The following GRM7 variants were observed in gnomAD, a reference collection of about 807,000 sequenced individuals.
The protein encoded by GRM7 is glutamate metabotropic receptor 7.
GRM7 carries 35 observed loss-of-function variants against 84.5 expected under a neutral mutation model. That is an observed-to-expected ratio of 0.41 (90% CI 0.32 to 0.55). The LOEUF is 0.55. Among genes scored for constraint, GRM7 ranks in the 20% least tolerant of loss-of-function variants. GRM7 has a pLI of 0.19. For missense variants in GRM7, 1,003 were observed against 1,194.6 expected (o/e 0.84, Z 2.36); for synonymous variants, 487 against 455.1 (o/e 1.07, Z -0.89).
intron 7 of GRM7, among the ~76,000 whole-genome samples, chr3:7,535,565 C>T (rs1225041691): frequency 6.6e-6 from 1 of 152,176 alleles, no homozygotes; most frequent in Non-Finnish European, 1.5e-5. Flanking sequence ...ACAGATCTTC[C>T]AATTACTGCC....
At chr3:7,365,872 C>A (rs1235188000) in intron 4 of GRM7, among the ~76,000 whole-genome samples, 1 of 151,224 alleles carries the variant, frequency 6.6e-6, no homozygotes. Flanking sequence ...GGATGCCCTT[C>A]TCTGTGGAAT....
rs575731215 is a variant in GRM7, at chr3:7,271,936, T to C, written c.737-26748T>C. Among the ~76,000 whole-genome samples, 3 of 152,252 alleles carry C rather than the reference T, an allele frequency of 2.0e-5. No homozygotes were observed. The South Asian group carries it at 6.2e-4, about 32-fold the overall frequency. ...TGTTTCTGTTTTAACGGGGTCTTTC[T>C]AAGCCCAGTCTGAAAGAATTAAGGA... On this transcript the variant is annotated intron_variant, in intron 2 of 9. Coordinates refer to ENST00000357716, the MANE Select transcript of GRM7 (RefSeq NM_000844.4).
rs765248402 is a variant in GRM7 at position 6,885,670 on chromosome 3, T to C, written c.519+23763T>C. 3.3e-5 allele frequency among the ~76,000 whole-genome samples: 5 copies of C among 152,220 alleles called. No homozygotes were observed. In the East Asian group the frequency reaches 9.6e-4, roughly 29 times the overall value. The stretch of plus-strand genomic sequence containing the variant: ...TTATTTTCTTATTATAAGGGAGGTA[T>C]TATGAAGACCAACCAACTTAAAGAG... On this transcript the variant is annotated intron_variant, in intron 1 of 9. Coordinates refer to ENST00000357716, the MANE Select transcript of GRM7 (RefSeq NM_000844.4).
intron 1 of GRM7, among the ~76,000 whole-genome samples, chr3:6,974,039 A>C (rs1223213398): frequency 6.6e-6 from 1 of 152,204 alleles, no homozygotes; most frequent in Non-Finnish European, 1.5e-5. Flanking sequence ...CCAGAGTGCA[A>C]ACTTTAAATT....
At chr3:7,176,014 A>G (rs1695133546) in intron 2 of GRM7, among the ~76,000 whole-genome samples, 1 of 152,078 alleles carries the variant, frequency 6.6e-6, no homozygotes. Context: ...GCATCGTTAC[A>G]TACAATAGTT....
At chr3:7,057,806 T>C (rs1697280144) in intron 1 of GRM7, among the ~76,000 whole-genome samples, 1 of 151,934 alleles carries the variant, frequency 6.6e-6, no homozygotes, top group Admixed American at 6.6e-5. Context: ...TATATCAGGA[T>C]GATCTCTCGA....
intron 9 of GRM7, among the ~76,000 whole-genome samples, chr3:7,737,673 T>A (rs1360399771): frequency 6.6e-6 from 1 of 152,170 alleles, no homozygotes; most frequent in East Asian, 1.9e-4. Flanking sequence ...CATTATAATT[T>A]TGGGGCAATG....
chr3:7,494,078 C>T (rs1356155821), intron 7 of GRM7, among the ~76,000 whole-genome samples: 1 of 152,056 alleles, frequency 6.6e-6, no homozygotes. Flanking sequence ...GCCCATATTT[C>T]TACTTTGTTG....
At chr3:7,435,800 T>G (rs1489190167) in intron 5 of GRM7, among the ~76,000 whole-genome samples, 1 of 149,414 alleles carries the variant, frequency 6.7e-6, no homozygotes, top group African/African-American at 2.5e-5. Context: ...CCATTCTCTT[T>G]CCTCAGCCTC....
Position 7,707,356 on chromosome 3 carries a change from T to A in GRM7, c.2698+27061T>A, listed in dbSNP as rs181305472. On this transcript the variant is annotated intron_variant, in intron 9 of 9. Transcript: ENST00000357716. ...ATTTCTTGCCCACTGAGTCAGTTAA[T>A]GGGCCAGATTCTAAGGCCTTCCCTT... Among the ~76,000 whole-genome samples, 431 of 152,296 alleles carry A rather than the reference T, an allele frequency of 2.8e-3. 7 individuals carry two copies. The highest frequency in any genetic ancestry group is 0.02 in the Middle Eastern group (6 of 294).
intron 8 of GRM7, among the ~76,000 whole-genome samples, chr3:7,635,108 A>G (rs1431706437): frequency 6.6e-6 from 1 of 152,222 alleles, no homozygotes; most frequent in Non-Finnish European, 1.5e-5. Context: ...GTGGGGCTGA[A>G]GAATGAGGTA....
chr3:7,516,937 G>T (rs1324272841), intron 7 of GRM7, among the ~76,000 whole-genome samples: 2 of 152,096 alleles, frequency 1.3e-5, no homozygotes, highest in Non-Finnish European at 2.9e-5. Context: ...GTAATTCTAG[G>T]TTCCTGAGAT....
intron 2 of GRM7, among the ~76,000 whole-genome samples, chr3:7,194,044 T>G (rs1695801680): frequency 6.6e-6 from 1 of 152,254 alleles, no homozygotes; most frequent in South Asian, 2.1e-4. Flanking sequence ...TCATTACTTT[T>G]CAAAGAGACA....
intron 2 of GRM7, among the ~76,000 whole-genome samples, chr3:7,224,462 G>A (rs1036054079): frequency 2.0e-5 from 3 of 152,154 alleles, no homozygotes; most frequent in African/African-American, 7.2e-5. Flanking sequence ...TGAGATTTGG[G>A]TGGGGACACA....
chr3:7,311,942 T>A lies in GRM7; in HGVS notation c.1033+5290T>A, dbSNP rs911393320. On this transcript the variant is annotated intron_variant, in intron 4 of 9. Transcript: ENST00000357716. ...CTGTACAGCTTTGGAAAGAGAGTGG[T>A]AGATTCACATACACTACTCACAAAT... is the stretch of plus-strand genomic sequence containing the variant. Among the ~76,000 whole-genome samples the A allele has an allele frequency of 9.9e-5, 15 of 152,284 alleles. 4 individuals are homozygous for A. The highest frequency in any genetic ancestry group is 2.0e-4 in the Admixed American group (3 of 15,286).
chr3:7,559,218 T>A (rs1172359453), intron 7 of GRM7: 1 of 149,016 alleles, frequency 6.7e-6, no homozygotes, highest in Non-Finnish European at 1.5e-5. Context: ...CCAAGACAGC[T>A]GCTTGGCTTC....
intron 2 of GRM7, among the ~76,000 whole-genome samples, chr3:7,225,263 T>C (rs1696945133): frequency 6.6e-6 from 1 of 151,316 alleles, no homozygotes; most frequent in African/African-American, 2.4e-5. Flanking sequence ...CTGATACCAA[T>C]TTACAATATT....
intron 4 of GRM7, among the ~76,000 whole-genome samples, chr3:7,382,039 C>T (rs1694611344): frequency 1.3e-5 from 2 of 152,060 alleles, no homozygotes; most frequent in African/African-American, 4.8e-5. Flanking sequence ...CTATCAAATG[C>T]TGTACCAGAT....
intron 1 of GRM7, among the ~76,000 whole-genome samples, chr3:7,130,056 A>T (rs1005737915): frequency 6.6e-6 from 1 of 152,178 alleles, no homozygotes; most frequent in African/African-American, 2.4e-5. Flanking sequence ...TTTGGTAAAT[A>T]ACTTTTCCTC....
Sources: allele counts gnomAD v4.1 joint callset (sites outside exome capture counted in the v4.1 genomes callset), GRCh38; gene constraint gnomAD v4.1.1; transcripts MANE v1.5; gene names NCBI Gene and HGNC (gene_info 2026-07-23, HGNC 2026-07-21).